FAM13A: variants seen among roughly 807,000 people sequenced by gnomAD.
FAM13A encodes family with sequence similarity 13 member A, also known as protein FAM13A.
A neutral mutation model predicts 129.6 loss-of-function variants in FAM13A; 76 were observed. That is an observed-to-expected ratio of 0.59 (90% CI 0.49 to 0.71). The LOEUF (loss-of-function observed/expected upper bound fraction) is 0.71, where lower values mean the gene tolerates loss of function less well. Among genes scored for constraint, FAM13A ranks in the 30% least tolerant of loss-of-function variants. The pLI is 0.00. For synonymous variants in FAM13A, 443 were observed against 449.9 expected (o/e 0.98, Z 0.20); for missense variants, 1,108 against 1,249.3 (o/e 0.89, Z 1.70).
At chr4:88,824,083 T>C (rs1256059403) in intron 7 of FAM13A, among the ~76,000 whole-genome samples, 8 of 152,210 alleles carry the variant, frequency 5.3e-5, no homozygotes, top group African/African-American at 1.7e-4. Context: ...CTTCCCCTTA[T>C]AATTTCTTCT....
intron 3 of FAM13A, among the ~76,000 whole-genome samples, chr4:89,016,778 G>A (rs1448208681): frequency 6.6e-6 from 1 of 152,064 alleles, no homozygotes; most frequent in Non-Finnish European, 1.5e-5. Context: ...GGGACTACAG[G>A]TGCATGCCTC....
rs35396785 is a variant in FAM13A, at chr4:88,841,493, C to CAA, written c.1007+9525_1007+9526dup. ...TGGGTGACAGAGTGAGACTCTGTCT[C>CAA]AAAAAAAAAAAAAAAAAAAAAATTG... On this transcript the variant is annotated intron_variant, in intron 7 of 23. Transcript: ENST00000264344. Among the ~76,000 whole-genome samples the CAA allele has an allele frequency of 6.5e-3, 617 of 95,452 alleles. 5 individuals carry two copies. The highest frequency in any genetic ancestry group is 8.3e-3 in the African/African-American group (217 of 26,068). The allele number at this position is 95,452 out of a possible 152,430, so 62.6% of individuals were successfully genotyped here. A position where few individuals can be genotyped will look rare whatever the true frequency, so the allele number is the denominator to read the frequency against.
intron 7 of FAM13A, among the ~76,000 whole-genome samples, chr4:88,820,324 C>T (rs1578811226): frequency 6.6e-6 from 1 of 152,146 alleles, no homozygotes; most frequent in Non-Finnish European, 1.5e-5. Flanking sequence ...ACTGAATTCA[C>T]CACATGGTAC....
At chr4:89,026,890 G>A (rs1420704525) in intron 2 of FAM13A, among the ~76,000 whole-genome samples, 1 of 152,168 alleles carries the variant, frequency 6.6e-6, no homozygotes, top group East Asian at 1.9e-4. Context: ...TCAGCAGAAT[G>A]AATAATCTGC....
chr4:88,909,345 G>A (rs1748663910), intron 5 of FAM13A, among the ~76,000 whole-genome samples: 1 of 152,140 alleles, frequency 6.6e-6, no homozygotes, highest in Non-Finnish European at 1.5e-5. Flanking sequence ...AGACACAAAA[G>A]GATATATATT....
Position 88,747,715 on chromosome 4 carries a change from C to A in FAM13A, c.2298G>T (p.Lys766Asn), listed in dbSNP as rs764237667. The A allele has an allele frequency of 6.2e-7, 1 of 1,614,186 alleles. No homozygotes were observed. The highest frequency in any genetic ancestry group is 1.1e-5 in the South Asian group (1 of 91,088). The change falls in exon 18 of 24, where the codon AAG becomes AAT. Residue 766 changes from lysine to asparagine, a missense_variant. Physicochemically the swap from Lys to Asn is moderately conservative, Grantham distance 94. Transcript: ENST00000264344. ...ATTCCAATGTGGCTTCAACACTGGG[C>A]TTTATTGCTTTATCCACCAGCTCTT... ...KKQELVDKAIKPSVEATLESI... is the reference protein window; with the variant it reads ...KKQELVDKAINPSVEATLESI...
At chr4:88,886,886 C>T (rs561115450) in intron 6 of FAM13A, among the ~76,000 whole-genome samples, 1 of 147,322 alleles carries the variant, frequency 6.8e-6, no homozygotes, top group Non-Finnish European at 1.5e-5. Flanking sequence ...CAGCCTGGGC[C>T]ACAAGAGTGA....
intron 1 of FAM13A, among the ~76,000 whole-genome samples, chr4:89,034,051 A>G (rs1769046698): frequency 6.6e-6 from 1 of 152,230 alleles, no homozygotes; most frequent in Admixed American, 6.5e-5. Context: ...CTTCAAAAGC[A>G]AATGCAACAA....
intron 4 of FAM13A, among the ~76,000 whole-genome samples, chr4:88,961,947 A>G (rs927074888): frequency 3.9e-5 from 6 of 152,150 alleles, no homozygotes; most frequent in Non-Finnish European, 7.4e-5. Context: ...GTTCAATTAT[A>G]AAAATTATAA....
Position 88,933,034 on chromosome 4 carries a change from A to G in FAM13A, c.759+5054T>C, listed in dbSNP as rs529732223. On this transcript the variant is annotated intron_variant, in intron 5 of 23. Transcript: ENST00000264344. Reference sequence around the variant, plus strand: ...ACTTCCCACAATCAAATAAAGCATTAAAGTACGAAGATTTCCCAGTCCAAT... The same window carrying G: ...ACTTCCCACAATCAAATAAAGCATTGAAGTACGAAGATTTCCCAGTCCAAT... Among the ~76,000 whole-genome samples, 5 of 152,334 alleles carry G rather than the reference A, an allele frequency of 3.3e-5. No individual in the cohort carries two copies. The South Asian group carries it at 1.0e-3, about 32-fold the overall frequency.
intron 11 of FAM13A, among the ~76,000 whole-genome samples, chr4:88,774,032 T>C (rs1416170253): frequency 6.6e-6 from 1 of 152,170 alleles, no homozygotes; most frequent in Non-Finnish European, 1.5e-5. Context: ...TCTCCTACAA[T>C]GCTCCTCTCA....
At chr4:89,029,401 ATAAT>A in intron 2 of FAM13A, 55 bp downstream of exon 2, 1 of 1,318,576 alleles carries the variant, frequency 7.6e-7, no homozygotes, top group Non-Finnish European at 1.1e-6. Context: ...ATTCACACAA[ATAAT>A]TTGTTTATGC....
intron 7 of FAM13A, among the ~76,000 whole-genome samples, chr4:88,834,346 T>G (rs1734455290): frequency 6.6e-6 from 1 of 152,120 alleles, no homozygotes; most frequent in South Asian, 2.1e-4. Flanking sequence ...CTTTTTTTCC[T>G]CATTGAATTT....
intron 7 of FAM13A, among the ~76,000 whole-genome samples, chr4:88,814,867 CAG>C (rs1270932156): frequency 1.3e-5 from 2 of 151,846 alleles, no homozygotes; most frequent in Admixed American, 6.6e-5. Context: ...GGGAGTGTGA[CAG>C]GGTCTTAATC....
intron 5 of FAM13A, among the ~76,000 whole-genome samples, chr4:88,930,323 A>AT (rs1384601440): frequency 6.6e-6 from 1 of 151,856 alleles, no homozygotes; most frequent in Non-Finnish European, 1.5e-5. Flanking sequence ...ACTTGTTCCC[A>AT]TTTTTAAAAA....
At chr4:88,913,340 G>A (rs1384813341) in intron 5 of FAM13A, among the ~76,000 whole-genome samples, 1 of 145,880 alleles carries the variant, frequency 6.9e-6, no homozygotes, top group Non-Finnish European at 1.5e-5. Context: ...AGAAGAAGAA[G>A]AGGAAGAAGA....
chr4:88,881,909 T>G (rs1229710004), intron 6 of FAM13A, among the ~76,000 whole-genome samples: 2 of 151,908 alleles, frequency 1.3e-5, no homozygotes, highest in African/African-American at 2.4e-5. Flanking sequence ...GCTTTCAAAT[T>G]AACTCAATCC....
At chr4:88,951,302 A>G (rs1756910810) in intron 4 of FAM13A, among the ~76,000 whole-genome samples, 1 of 152,214 alleles carries the variant, frequency 6.6e-6, no homozygotes, top group African/African-American at 2.4e-5. Flanking sequence ...TGAATAAATG[A>G]GCAGGTGGTT....
intron 6 of FAM13A, among the ~76,000 whole-genome samples, chr4:88,889,376 G>A (rs1744983878): frequency 6.6e-6 from 1 of 152,144 alleles, no homozygotes; most frequent in Non-Finnish European, 1.5e-5. Flanking sequence ...ACCAGATGGA[G>A]TACTCATGTA....
Sources: gnomAD v4.1 joint callset for allele counts (sites outside exome capture counted in the v4.1 genomes callset) on GRCh38, gnomAD v4.1.1 for gene constraint, MANE v1.5 for transcripts, NCBI Gene and HGNC (gene_info 2026-07-23, HGNC 2026-07-21) for gene names.